PCDHA4: variants seen among roughly 807,000 people sequenced by gnomAD.
PCDHA4 encodes protocadherin alpha-4.
In PCDHA4, 49 loss-of-function variants were observed where a neutral mutation model predicts 61.4. That is an observed-to-expected ratio of 0.80 (90% CI 0.63 to 1.01). PCDHA4 has a LOEUF of 1.01. Ranked by LOEUF, PCDHA4 falls within the 50% of genes least tolerant of loss-of-function variation. The pLI is 0.00. For missense variants in PCDHA4, 1,254 were observed against 1,235.8 expected (o/e 1.01, Z -0.22); for synonymous variants, 590 against 550.3 (o/e 1.07, Z -1.01).
At chr5:140,829,157 T>A (rs2150163134) in intron 1 of PCDHA4, 10 of 1,613,942 alleles carry the variant, frequency 6.2e-6, no homozygotes, top group Non-Finnish European at 7.6e-6. Flanking sequence ...GACTTCCTTA[T>A]CCTTGCCTGT....
chr5:140,892,608 TA>T (rs1442553538), intron 1 of PCDHA4, among the ~76,000 whole-genome samples: 2 of 152,184 alleles, frequency 1.3e-5, no homozygotes, highest in African/African-American at 4.8e-5. Flanking sequence ...TTTTTCCTTT[TA>T]TTTCCAGTTG....
chr5:140,829,819 A>C (rs2150175411), intron 1 of PCDHA4: 2 of 1,613,876 alleles, frequency 1.2e-6, no homozygotes, highest in Admixed American at 3.3e-5. Flanking sequence ...CTGGTGGTGC[A>C]GTGAGCGAGC....
intron 1 of PCDHA4, among the ~76,000 whole-genome samples, chr5:140,844,016 T>G (rs1779187078): frequency 6.7e-6 from 1 of 149,762 alleles, no homozygotes; most frequent in Non-Finnish European, 1.5e-5. Flanking sequence ...CTAAGGACGT[T>G]CAGGGCATTT....
intron 1 of PCDHA4, among the ~76,000 whole-genome samples, chr5:140,950,257 G>A (rs1255968081): frequency 6.6e-6 from 1 of 151,952 alleles, no homozygotes; most frequent in Non-Finnish European, 1.5e-5. Context: ...AAAGAGCTGA[G>A]TTTATCCATA....
At position 140,876,146 on chromosome 5, in the gene PCDHA4, C is replaced by G. The variant is rs75398909; in HGVS notation, c.2385+66574C>G. The G allele has an allele frequency of 1.6e-3, 2,650 of 1,613,952 alleles. 40 individuals carry two copies. In the African/African-American group the frequency reaches 0.028, roughly 17 times the overall value. ...GGCGGTAAACCAGAACTAACAGGGT[C>G]TGTCCAGATTCAAATAACCGTCCTG... On this transcript the variant is annotated intron_variant, in intron 1 of 3. Coordinates refer to ENST00000530339, the MANE Select transcript of PCDHA4 (RefSeq NM_018907.4).
intron 1 of PCDHA4, chr5:140,858,164 T>C: frequency 6.3e-7 from 1 of 1,597,740 alleles, no homozygotes; most frequent in Non-Finnish European, 8.6e-7. Context: ...CTGCGCGGTG[T>C]CCAGCTTGCT....
Position 141,009,900 on chromosome 5 carries a change from A to G in PCDHA4, c.2807A>G (p.Glu936Gly). The G allele has an allele frequency of 6.2e-7, 1 of 1,613,166 alleles. No individual in the cohort carries two copies. The highest frequency in any genetic ancestry group is 8.5e-7 in the Non-Finnish European group (1 of 1,179,840). Residue 936 changes from glutamate (E) to glycine (G), a missense_variant, in exon 4 of 4, where the codon GAG becomes GGG. Physicochemically the swap from Glu to Gly is moderately conservative, Grantham distance 98. Coordinates refer to ENST00000530339, the MANE Select transcript of PCDHA4 (RefSeq NM_018907.4). Reference sequence around the variant, plus strand: ...GGTAACAAGACCCAGGAGAAAAAAGAGAAAGGGAACAGCACGACTGACAAC... The same window carrying G: ...GGTAACAAGACCCAGGAGAAAAAAGGGAAAGGGAACAGCACGACTGACAAC... ...KKGNKTQEKK[E>G]KGNSTTDNSD...
intron 1 of PCDHA4, among the ~76,000 whole-genome samples, chr5:140,827,575 G>A (rs1173204419): frequency 6.6e-5 from 10 of 152,266 alleles, no homozygotes; most frequent in African/African-American, 2.4e-4. Flanking sequence ...CTATATAATA[G>A]CATGTCCTAG....
At chr5:140,829,500 CG>C (rs1562307699) in intron 1 of PCDHA4, 1 of 1,613,600 alleles carries the variant, frequency 6.2e-7, no homozygotes, top group African/African-American at 1.3e-5. Context: ...AACAACCCGC[CG>C]GGCTGCCACA....
At chr5:140,875,780 G>C in intron 1 of PCDHA4, 3 of 1,614,128 alleles carry the variant, frequency 1.9e-6, no homozygotes, top group Admixed American at 3.3e-5. Flanking sequence ...GCGGAGTGCA[G>C]TATCCACCTG....
intron 3 of PCDHA4, among the ~76,000 whole-genome samples, chr5:140,992,214 C>G (rs2097499658): frequency 6.6e-6 from 1 of 152,152 alleles, no homozygotes; most frequent in Non-Finnish European, 1.5e-5. Flanking sequence ...ATAAACTACT[C>G]TCCCTTCCTG....
In PCDHA4 at chr5:140,990,889, G is replaced by A. The variant is rs569864202; in HGVS notation, c.2533+8326G>A. Among the ~76,000 whole-genome samples, 53 of 152,284 alleles carry A rather than the reference G, an allele frequency of 3.5e-4. 2 individuals are homozygous for A. The South Asian group carries it at 8.3e-3, about 24-fold the overall frequency. Reference sequence around the variant, plus strand: ...TTTAAGTGTATGTTCCAGTGAGTGGGTCGTTGCTGGGTCAAGTTTTATAAG... The same window carrying A: ...TTTAAGTGTATGTTCCAGTGAGTGGATCGTTGCTGGGTCAAGTTTTATAAG... On this transcript the variant is annotated intron_variant, in intron 3 of 3. Transcript: ENST00000530339.
intron 1 of PCDHA4, chr5:140,927,907 G>A (rs1179807732): frequency 4.9e-5 from 79 of 1,614,038 alleles, no homozygotes; most frequent in Non-Finnish European, 6.6e-5. Flanking sequence ...TCATGCCCCC[G>A]AACTGGACTT....
At chr5:140,927,248 A>G in intron 1 of PCDHA4, 1 of 1,614,064 alleles carries the variant, frequency 6.2e-7, no homozygotes. Flanking sequence ...GACACCAATG[A>G]CAACTCACCT....
chr5:140,857,458 C>A (rs782648266), intron 1 of PCDHA4: 1 of 1,598,670 alleles, frequency 6.3e-7, no homozygotes, highest in South Asian at 1.1e-5. Flanking sequence ...ACCCGCCAGG[C>A]TGCCACATCT....
intron 1 of PCDHA4, among the ~76,000 whole-genome samples, chr5:140,915,767 C>T (rs1554197085): frequency 6.6e-6 from 1 of 151,976 alleles, no homozygotes; most frequent in Non-Finnish European, 1.5e-5. Context: ...TGGGTCTTGT[C>T]CAAGGCCTGC....
At chr5:140,926,949 G>A in intron 1 of PCDHA4, 3 of 1,592,316 alleles carry the variant, frequency 1.9e-6, no homozygotes, top group Non-Finnish European at 2.6e-6. Context: ...GCGCTGCAGC[G>A]GGACAGCTCG....
chr5:140,968,301 A>G (rs886575781), intron 1 of PCDHA4: 9 of 1,613,914 alleles, frequency 5.6e-6, no homozygotes, highest in Non-Finnish European at 7.6e-6. Flanking sequence ...CTGGAGAGGG[A>G]GATTCAAGGG....
intron 1 of PCDHA4, chr5:140,851,823 G>C (rs1554145549): frequency 1.0e-6 from 1 of 962,982 alleles, no homozygotes; most frequent in Non-Finnish European, 1.3e-6. Flanking sequence ...ACAGAAATCT[G>C]TTTTTTTAAA....
Sources: allele counts gnomAD v4.1 joint callset (sites outside exome capture counted in the v4.1 genomes callset), GRCh38; gene constraint gnomAD v4.1.1; transcripts MANE v1.5; gene names NCBI Gene and HGNC (gene_info 2026-07-23, HGNC 2026-07-21).